AOPEP: variants seen among roughly 807,000 people sequenced by gnomAD.
AOPEP encodes aminopeptidase O.
Under a neutral mutation model 98.1 loss-of-function variants are expected in AOPEP, and 77 were observed. That is an observed-to-expected ratio of 0.78 (90% CI 0.65 to 0.95). The LOEUF (loss-of-function observed/expected upper bound fraction) is 0.95. AOPEP is among the 40% of genes least tolerant of loss of function. AOPEP has a pLI of 0.00. For synonymous variants in AOPEP, 346 were observed against 365.3 expected (o/e 0.95, Z 0.60); for missense variants, 1,024 against 1,024.7 (o/e 1.00, Z 0.01).
At chr9:95,126,911 C>A in the AOPEP span, 2 of 329,954 alleles carry the variant, frequency 6.1e-6, no homozygotes, top group South Asian at 3.0e-5. Context: ...TGCCGTGGAG[C>A]CTGCCTGTAC....
At chr9:94,924,270 A>C in intron 6 of AOPEP, 95 bp downstream of exon 6, 1 of 1,052,804 alleles carries the variant, frequency 9.5e-7, no homozygotes, top group Non-Finnish European at 1.2e-6. Context: ...AGGGCCTACT[A>C]TGCACTAGGC....
intron 1 of AOPEP, among the ~76,000 whole-genome samples, chr9:94,753,588 CAT>C (rs1377149721): frequency 3.3e-5 from 5 of 151,990 alleles, no homozygotes; most frequent in Admixed American, 6.5e-5. Flanking sequence ...CGATAGAAAA[CAT>C]AAAATATGTT....
chr9:95,086,928 G>A lies in AOPEP; in HGVS notation c.*251G>A, dbSNP rs2070761097. 1 of 987,810 alleles carries A rather than the reference G, an allele frequency of 1.0e-6. No homozygotes were observed. The highest frequency in any genetic ancestry group is 1.2e-6 in the Non-Finnish European group (1 of 830,106). 61.2% of individuals were successfully genotyped at this position (987,810 alleles called of 1,614,324 possible). On this transcript the variant is annotated 3_prime_UTR_variant, in exon 17 of 17. Transcript: ENST00000375315. Reference sequence around the variant, plus strand: ...CCTGCCCTGGATCTGGAGTGGAGCTGCTCTGAGATTTTGAGTTCTTCTGCA... The same window carrying A: ...CCTGCCCTGGATCTGGAGTGGAGCTACTCTGAGATTTTGAGTTCTTCTGCA...
chr9:95,024,517 G>C (rs1027107893), intron 13 of AOPEP, among the ~76,000 whole-genome samples: 1 of 152,194 alleles, frequency 6.6e-6, no homozygotes, highest in Non-Finnish European at 1.5e-5. Context: ...GGCCAGAGCC[G>C]TTTCTAGATA....
chr9:94,751,713 A>C (rs1405895922), intron 1 of AOPEP, among the ~76,000 whole-genome samples: 1 of 151,430 alleles, frequency 6.6e-6, no homozygotes, highest in Non-Finnish European at 1.5e-5. Context: ...CTCTAATGTT[A>C]TACAATGAAG....
intron 5 of AOPEP, among the ~76,000 whole-genome samples, chr9:94,899,330 G>T (rs966146911): frequency 6.7e-6 from 1 of 148,232 alleles, no homozygotes; most frequent in African/African-American, 2.5e-5. Context: ...GACTATAGGC[G>T]CCCGCCACCA....
chr9:94,728,326 C>T (rs1829752608), intron 1 of AOPEP, among the ~76,000 whole-genome samples: 1 of 151,532 alleles, frequency 6.6e-6, no homozygotes, highest in African/African-American at 2.4e-5. Flanking sequence ...GCAGTAAAAC[C>T]CTGCTGTTTG....
chr9:95,114,777 C>T, the AOPEP span: 4 of 1,335,208 alleles, frequency 3.0e-6, no homozygotes, highest in Middle Eastern at 1.9e-4. Context: ...GAACCACCTG[C>T]AGGGATGACC....
intron 5 of AOPEP, among the ~76,000 whole-genome samples, chr9:94,883,475 G>C (rs1364938557): frequency 2.6e-5 from 4 of 152,222 alleles, no homozygotes; most frequent in African/African-American, 9.7e-5. Context: ...ACAGTTGGCT[G>C]CCTGTCAATG....
At chr9:94,948,334 A>T (rs1271012554) in intron 7 of AOPEP, among the ~76,000 whole-genome samples, 1 of 151,824 alleles carries the variant, frequency 6.6e-6, no homozygotes, top group Non-Finnish European at 1.5e-5. Flanking sequence ...TCACCGTTGC[A>T]TGCTCTCCAC....
chr9:94,846,910 C>G (rs1044003114), intron 5 of AOPEP, among the ~76,000 whole-genome samples: 1 of 151,684 alleles, frequency 6.6e-6, no homozygotes, highest in African/African-American at 2.4e-5. Flanking sequence ...GACTCTGTCT[C>G]TGAATGAATG....
At chr9:95,029,342 T>C (rs911801690) in intron 13 of AOPEP, among the ~76,000 whole-genome samples, 1 of 152,238 alleles carries the variant, frequency 6.6e-6, no homozygotes, top group Non-Finnish European at 1.5e-5. Flanking sequence ...TGAATTTTCC[T>C]GGCCTTTGTC....
At chr9:95,001,070 T>C (rs1299973324) in intron 11 of AOPEP, among the ~76,000 whole-genome samples, 1 of 152,172 alleles carries the variant, frequency 6.6e-6, no homozygotes, top group African/African-American at 2.4e-5. Flanking sequence ...CTGGCTCCTC[T>C]TCCTTCCTCT....
intron 5 of AOPEP, among the ~76,000 whole-genome samples, chr9:94,812,224 A>T (rs1588342828): frequency 6.6e-6 from 1 of 152,222 alleles, no homozygotes; most frequent in Admixed American, 6.5e-5. Context: ...AGAGCTAGAT[A>T]TTTACTTCTC....
chr9:95,042,848 T>C (rs1418740782), intron 13 of AOPEP, among the ~76,000 whole-genome samples: 1 of 152,228 alleles, frequency 6.6e-6, no homozygotes, highest in Non-Finnish European at 1.5e-5. Context: ...TCTGTAATTT[T>C]AATTCCCTTT....
chr9:95,040,430 C>T (rs1439254101), intron 13 of AOPEP, among the ~76,000 whole-genome samples: 1 of 152,250 alleles, frequency 6.6e-6, no homozygotes, highest in Non-Finnish European at 1.5e-5. Flanking sequence ...AAGCCAAGTT[C>T]ATCTTCCCAC....
intron 6 of AOPEP, among the ~76,000 whole-genome samples, chr9:94,925,873 T>G (rs2054239738): frequency 6.6e-6 from 1 of 152,230 alleles, no homozygotes; most frequent in Admixed American, 6.5e-5. Context: ...GATGTAAGAA[T>G]GCCAAAGCTT....
Position 95,082,623 on chromosome 9 carries a change from A to C in AOPEP, c.2368A>C (p.Arg790=). 4 of 1,614,248 alleles carry C rather than the reference A, an allele frequency of 2.5e-6. No individual in the cohort carries two copies. Among genetic ancestry groups the C allele is most frequent in the Non-Finnish European group, 3.4e-6 (4 of 1,180,048 alleles). Residue 790 remains arginine (R), a synonymous_variant, in exon 16 of 17, where the codon AGA becomes CGA. Coordinates refer to ENST00000375315, the MANE Select transcript of AOPEP (RefSeq NM_001193329.3). ...YGELMVSEDA[R]QQQLARRCFE... ...GGAGCTGATGGTGAGTGAGGACGCC[A>C]GACAGCAGCAGCTCGCCCGTAGGTG...
chr9:95,111,420 C>G, the AOPEP span: 248 of 1,601,624 alleles, frequency 1.5e-4, no homozygotes, highest in Non-Finnish European at 2.1e-4. Flanking sequence ...TCTCAGCCCC[C>G]CAGAGCCCAC....
Sources: allele counts gnomAD v4.1 joint callset (sites outside exome capture counted in the v4.1 genomes callset), GRCh38; gene constraint gnomAD v4.1.1; transcripts MANE v1.5; gene names NCBI Gene and HGNC (gene_info 2026-07-23, HGNC 2026-07-21).